The following IL16 variants were observed in gnomAD, a reference collection of about 807,000 sequenced individuals.
The protein encoded by IL16 is interleukin 16.
In IL16, 67 loss-of-function variants were observed where a neutral mutation model predicts 110.1. That is an observed-to-expected ratio of 0.61 (90% confidence interval 0.50 to 0.75). IL16 has a LOEUF of 0.75. Ranked by LOEUF, IL16 falls within the 30% of genes least tolerant of loss-of-function variation. IL16 has a pLI of 0.00. For synonymous variants in IL16, 689 were observed against 662.9 expected (o/e 1.04, Z -0.61); for missense variants, 1,545 against 1,655.0 (o/e 0.93, Z 1.15).
chr15:81,269,465 T>C, intron 4 of IL16, 73 bp from the exon 5 acceptor site: 1 of 1,017,746 alleles, frequency 9.8e-7, no homozygotes, highest in Non-Finnish European at 1.6e-6. Flanking sequence ...GCTGGGCTTT[T>C]CCCCTTCCTT....
intron 14 of IL16, among the ~76,000 whole-genome samples, chr15:81,301,120 C>A (rs564250584): frequency 3.9e-5 from 6 of 152,302 alleles, no homozygotes; most frequent in African/African-American, 1.2e-4. Flanking sequence ...GGTCTTCCCT[C>A]TGATCAAAGT....
At chr15:81,219,412 T>C (rs776049644) in intron 1 of IL16, among the ~76,000 whole-genome samples, 2 of 152,022 alleles carry the variant, frequency 1.3e-5, no homozygotes, top group South Asian at 2.1e-4. Flanking sequence ...CTTCTTGCGA[T>C]TGACTATATA....
intron 1 of IL16, among the ~76,000 whole-genome samples, chr15:81,214,264 T>C (rs1896347785): frequency 6.6e-6 from 1 of 152,216 alleles, no homozygotes; most frequent in African/African-American, 2.4e-5. Flanking sequence ...GGTGTCATCC[T>C]TTTAATTCCA....
At position 81,309,191 on chromosome 15, in the gene IL16, A is replaced by G. The variant is rs2141654953; in HGVS notation, c.*393A>G. ...CATTTATTTTTCTCATGAATCTGCA[A>G]TGTGGGCAGAGATTGGAATGGGCAG... On this transcript the variant is annotated 3_prime_UTR_variant, in exon 19 of 19. Transcript: ENST00000683961. 5.8e-6 allele frequency: 1 copy of G among 172,282 alleles called. No homozygotes were observed. The highest frequency in any genetic ancestry group is 2.4e-5 in the African/African-American group (1 of 42,122). 10.7% of individuals were successfully genotyped at this position (172,282 alleles called of 1,614,324 possible). A position where few individuals can be genotyped will look rare whatever the true frequency, so the allele number is the denominator to read the frequency against.
chr15:81,184,024 C>T (rs564667870), intron 1 of IL16, among the ~76,000 whole-genome samples: 1 of 152,322 alleles, frequency 6.6e-6, no homozygotes, highest in Admixed American at 6.5e-5. Flanking sequence ...GATATACAGG[C>T]TTGAGGATGA....
chr15:81,256,290 C>G (rs1313202908), intron 2 of IL16, among the ~76,000 whole-genome samples: 1 of 149,752 alleles, frequency 6.7e-6, no homozygotes, highest in Non-Finnish European at 1.5e-5. Flanking sequence ...TTTTAACTTA[C>G]TATGATAACA....
intron 6 of IL16, among the ~76,000 whole-genome samples, chr15:81,274,783 G>T (rs1898820284): frequency 6.6e-6 from 1 of 152,160 alleles, no homozygotes; most frequent in Non-Finnish European, 1.5e-5. Context: ...TTACCATCTG[G>T]GTCTTTACAG....
intron 2 of IL16, among the ~76,000 whole-genome samples, chr15:81,252,631 C>G (rs542289399): frequency 1.2e-4 from 18 of 152,260 alleles, no homozygotes; most frequent in African/African-American, 3.9e-4. Flanking sequence ...TTAGCTGTTA[C>G]TCCTTATACC....
At chr15:81,279,370 A>G (rs1899063331) in intron 7 of IL16, among the ~76,000 whole-genome samples, 188 bp from the exon 8 acceptor site, 1 of 152,208 alleles carries the variant, frequency 6.6e-6, no homozygotes, top group Non-Finnish European at 1.5e-5. Flanking sequence ...TGGCATATGT[A>G]AATATATATA....
At chr15:81,183,836 C>A (rs559303142) in intron 1 of IL16, among the ~76,000 whole-genome samples, 1 of 152,320 alleles carries the variant, frequency 6.6e-6, no homozygotes, top group South Asian at 2.1e-4. Context: ...AAAAGGCATT[C>A]AAAGGCTCAC....
intron 1 of IL16, 118 bp from the exon 2 acceptor site, chr15:81,225,181 G>A: frequency 1.3e-6 from 1 of 774,852 alleles, no homozygotes; most frequent in South Asian, 1.9e-5. Context: ...AGGATGATCT[G>A]CCCATCTGTC....
In IL16 at chr15:81,312,572, T is replaced by A. The variant is rs1900917821; in HGVS notation, c.*3774T>A. The A allele has an allele frequency of 6.6e-6, 1 of 152,228 alleles. No homozygotes were observed. The highest frequency in any genetic ancestry group is 2.1e-4 in the South Asian group (1 of 4,832). The allele number at this position is 152,228 out of a possible 1,614,324, so 9.4% of individuals were successfully genotyped here. A position where few individuals can be genotyped will look rare whatever the true frequency, so the allele number is the denominator to read the frequency against. On this transcript the variant is annotated 3_prime_UTR_variant, in exon 19 of 19. Coordinates refer to ENST00000683961, the MANE Select transcript of IL16 (RefSeq NM_172217.5). ...TGCTGCAGATTTGGGCTGGAACAGA[T>A]TCACACTGTCTGGTTTCACCGAGGA...
At chr15:81,196,770 C>A, upstream of IL16, 1 of 971,278 alleles carries the variant, frequency 1.0e-6, no homozygotes, top group Non-Finnish European at 1.3e-6. Flanking sequence ...TGTTCTGAGG[C>A]TGAGCTTCTC....
At chr15:81,205,601 C>T (rs948473279) in intron 1 of IL16, among the ~76,000 whole-genome samples, 6 of 151,522 alleles carry the variant, frequency 4.0e-5, no homozygotes, top group African/African-American at 1.5e-4. Flanking sequence ...AATTAAGGAG[C>T]CATAATAAGA....
intron 5 of IL16, among the ~76,000 whole-genome samples, chr15:81,272,186 A>G (rs529851402): frequency 5.3e-5 from 8 of 152,372 alleles, no homozygotes; most frequent in African/African-American, 1.9e-4. Context: ...GCTGCTTATT[A>G]GACTCAAGCT....
At position 81,306,494 on chromosome 15, in the gene IL16, A is replaced by T; in HGVS notation, c.3754A>T (p.Lys1252Ter). The T allele has an allele frequency of 6.2e-7, 1 of 1,613,960 alleles. No individual in the cohort carries two copies. The highest frequency in any genetic ancestry group is 8.5e-7 in the Non-Finnish European group (1 of 1,180,026). ...GCTGGGCTTCAGCCTGGAAGGAGGG[A>T]AGGGCTCCCTACACGGAGACAAGCC... ...AGLGFSLEGGKGSLHGDKPLT... is the reference protein window; with the variant it reads ...AGLGFSLEGG Residue 1252 changes from lysine (K) to a stop codon, truncating the protein, a stop_gained, in exon 18 of 19, where the codon AAG becomes TAG. Transcript: ENST00000683961. LOFTEE classifies it high-confidence loss of function.
At chr15:81,276,608 A>G (rs1339059019) in intron 6 of IL16, among the ~76,000 whole-genome samples, 1 of 152,196 alleles carries the variant, frequency 6.6e-6, no homozygotes, top group Non-Finnish European at 1.5e-5. Context: ...TTGGCCAAAA[A>G]CATCTCTCAC....
chr15:81,236,899 A>C (rs888351940), intron 2 of IL16, among the ~76,000 whole-genome samples: 1 of 152,186 alleles, frequency 6.6e-6, no homozygotes, highest in Non-Finnish European at 1.5e-5. Flanking sequence ...TGGAGGTTGC[A>C]GTGAGCTGAG....
In IL16 at chr15:81,282,767, A is replaced by G. The variant is rs772129983; in HGVS notation, c.1199+11A>G. Reference sequence around the variant, plus strand: ...GGACGGACGTCTCCGGTATGTCCTCACTTCTGTTTCTGAATATACCCCCGA... The same window carrying G: ...GGACGGACGTCTCCGGTATGTCCTCGCTTCTGTTTCTGAATATACCCCCGA... On this transcript the variant is annotated intron_variant, in intron 9 of 18. Transcript: ENST00000683961. 2 of 1,580,532 alleles carry G rather than the reference A, an allele frequency of 1.3e-6. No homozygotes were observed. The highest frequency in any genetic ancestry group is 1.7e-6 in the Non-Finnish European group (2 of 1,149,756).
Sources: allele counts gnomAD v4.1 joint callset (sites outside exome capture counted in the v4.1 genomes callset), GRCh38; gene constraint gnomAD v4.1.1; transcripts MANE v1.5; gene names NCBI Gene and HGNC (gene_info 2026-07-23, HGNC 2026-07-21).